PAPPA2: variants seen among roughly 807,000 people sequenced by gnomAD.
The protein encoded by PAPPA2 is pappalysin 2.
Under a neutral mutation model 176.4 loss-of-function variants are expected in PAPPA2, and 86 were observed. That is an observed-to-expected ratio of 0.49 (90% CI 0.41 to 0.58). The LOEUF (loss-of-function observed/expected upper bound fraction) is 0.58, where lower values mean the gene tolerates loss of function less well. Ranked by LOEUF, PAPPA2 falls within the 20% of genes least tolerant of loss-of-function variation. The pLI is 0.00. For missense variants in PAPPA2, 2,073 were observed against 2,256.9 expected (o/e 0.92, Z 1.65); for synonymous variants, 809 against 852.2 (o/e 0.95, Z 0.88).
chr1:176,634,066 C>T (rs1464547380), intron 3 of PAPPA2, among the ~76,000 whole-genome samples: 1 of 152,120 alleles, frequency 6.6e-6, no homozygotes, highest in Non-Finnish European at 1.5e-5. Context: ...CTAGAAATAC[C>T]ATTTGACCCA....
chr1:176,842,195 C>G (rs897622725), intron 22 of PAPPA2, among the ~76,000 whole-genome samples, 185 bp from the exon 23 acceptor site: 3 of 152,130 alleles, frequency 2.0e-5, no homozygotes, highest in African/African-American at 7.2e-5. Context: ...GGAACAATTA[C>G]CTTGCCTAAG....
At chr1:176,565,012 G>T (rs1651883142) in intron 2 of PAPPA2, among the ~76,000 whole-genome samples, 1 of 151,924 alleles carries the variant, frequency 6.6e-6, no homozygotes, top group Non-Finnish European at 1.5e-5. Context: ...CCTATTCTGT[G>T]TTATTTCATA....
chr1:176,486,385 A>T (rs1652645615), intron 1 of PAPPA2, among the ~76,000 whole-genome samples: 1 of 152,226 alleles, frequency 6.6e-6, no homozygotes, highest in South Asian at 2.1e-4. Flanking sequence ...AGATGGTATA[A>T]CACATAGCCC....
intron 12 of PAPPA2, among the ~76,000 whole-genome samples, chr1:176,715,973 T>C (rs777684880): frequency 1.3e-4 from 20 of 150,906 alleles, no homozygotes; most frequent in Middle Eastern, 7.1e-3. Flanking sequence ...ATGCTATACA[T>C]ATATTAATAT....
chr1:176,714,713 TATA>T (rs1661294137), intron 12 of PAPPA2, among the ~76,000 whole-genome samples: 1 of 152,188 alleles, frequency 6.6e-6, no homozygotes, highest in Non-Finnish European at 1.5e-5. Flanking sequence ...TCTTCTTGAT[TATA>T]ATAAGTCTTT....
chr1:176,473,735 T>C (rs1208128233), intron 1 of PAPPA2, among the ~76,000 whole-genome samples: 1 of 152,222 alleles, frequency 6.6e-6, no homozygotes, highest in Non-Finnish European at 1.5e-5. Flanking sequence ...TGAATAGGTA[T>C]GTAGTGGTAT....
chr1:176,714,399 T>G (rs1661277253), intron 12 of PAPPA2, among the ~76,000 whole-genome samples: 1 of 151,738 alleles, frequency 6.6e-6, no homozygotes, highest in Non-Finnish European at 1.5e-5. Flanking sequence ...AGACTTAGCC[T>G]TACTGGGAGA....
intron 2 of PAPPA2, among the ~76,000 whole-genome samples, chr1:176,572,034 C>T (rs1652376287): frequency 6.6e-6 from 1 of 152,138 alleles, no homozygotes; most frequent in Non-Finnish European, 1.5e-5. Flanking sequence ...ACAACCCAGC[C>T]CATCTCTGCT....
In PAPPA2 at chr1:176,547,043, T is replaced by C. The variant is rs1650675679; in HGVS notation, c.-916-8364T>C. On this transcript the variant is annotated intron_variant, in intron 1 of 22. Transcript: ENST00000367662. ...TGGCTTGCATGTGGAAGTTTTCTGGTAAAAGTTAATTAATAACCACAATCC... is the reference window on the plus strand; with the variant it reads ...TGGCTTGCATGTGGAAGTTTTCTGGCAAAAGTTAATTAATAACCACAATCC... 2.6e-5 allele frequency among the ~76,000 whole-genome samples: 4 copies of C among 152,164 alleles called. No individual in the cohort carries two copies. In the South Asian group the frequency reaches 8.3e-4, roughly 31 times the overall value.
chr1:176,504,268 C>T (rs1168848832), intron 1 of PAPPA2, among the ~76,000 whole-genome samples: 5 of 152,090 alleles, frequency 3.3e-5, no homozygotes, highest in African/African-American at 1.2e-4. Context: ...GAATATTTCT[C>T]TGAATTTAGA....
chr1:176,683,323 T>G (rs1659675964), intron 4 of PAPPA2, among the ~76,000 whole-genome samples: 1 of 152,150 alleles, frequency 6.6e-6, no homozygotes, highest in Admixed American at 6.5e-5. Context: ...GCATGTGTTC[T>G]CCTGCTGCCA....
At chr1:176,517,689 A>G (rs1395452491) in intron 1 of PAPPA2, among the ~76,000 whole-genome samples, 1 of 152,142 alleles carries the variant, frequency 6.6e-6, no homozygotes, top group African/African-American at 2.4e-5. Context: ...TCAGGCATTT[A>G]AGAAAGTTGC....
chr1:176,804,712 T>G (rs1260790826), intron 21 of PAPPA2, among the ~76,000 whole-genome samples: 1 of 152,248 alleles, frequency 6.6e-6, no homozygotes, highest in East Asian at 1.9e-4. Flanking sequence ...ACTTACAAGC[T>G]GAAGATATTG....
chr1:176,481,334 G>GCTGT (rs1433699779), intron 1 of PAPPA2, among the ~76,000 whole-genome samples: 1 of 151,320 alleles, frequency 6.6e-6, no homozygotes, highest in Non-Finnish European at 1.5e-5. Context: ...GGGCCATCGT[G>GCTGT]CTGTCCTCCT....
chr1:176,666,487 T>C (rs1328657680), intron 3 of PAPPA2, among the ~76,000 whole-genome samples: 1 of 151,550 alleles, frequency 6.6e-6, no homozygotes, highest in Non-Finnish European at 1.5e-5. Flanking sequence ...GGGTGTTAGC[T>C]AGGATTTTCT....
At chr1:176,760,845 A>G (rs1663665596) in intron 14 of PAPPA2, among the ~76,000 whole-genome samples, 1 of 152,058 alleles carries the variant, frequency 6.6e-6, no homozygotes, top group African/African-American at 2.4e-5. Context: ...TTTTTGAGAC[A>G]GAGTCTTGCT....
At position 176,594,902 on chromosome 1, in the gene PAPPA2, T is replaced by C; in HGVS notation, c.1298T>C (p.Leu433Pro). Residue 433 changes from leucine (L) to proline (P), a missense_variant, in exon 3 of 23, where the codon CTG (leucine) becomes CCG (proline). Coordinates refer to ENST00000367662, the MANE Select transcript of PAPPA2 (RefSeq NM_020318.3). ...ACACTGGTTTTCTGGTCGACCGCCC[T>C]GCCACAAAGCCATTTTCAGCACAGT... is the stretch of plus-strand genomic sequence containing the variant. Reference protein sequence around the residue: ...LGTLVFWSTALPQSHFQHSSQ... With the variant: ...LGTLVFWSTAPPQSHFQHSSQ... The C allele has an allele frequency of 6.2e-7, 1 of 1,614,200 alleles. No homozygotes were observed. Among genetic ancestry groups the C allele is most frequent in the Non-Finnish European group, 8.5e-7 (1 of 1,180,036 alleles).
intron 15 of PAPPA2, among the ~76,000 whole-genome samples, chr1:176,767,478 G>C (rs993140051): frequency 1.4e-4 from 22 of 152,170 alleles, no homozygotes; most frequent in Admixed American, 6.5e-5. Flanking sequence ...CTCCTGAGTA[G>C]CTGGGACTAC....
At chr1:176,698,143 T>C (rs1660471451) in intron 7 of PAPPA2, among the ~76,000 whole-genome samples, 1 of 152,156 alleles carries the variant, frequency 6.6e-6, no homozygotes, top group Admixed American at 6.5e-5. Flanking sequence ...TCTCTGGGCT[T>C]TGGGACATAA....
Sources: gnomAD v4.1 joint callset for allele counts (sites outside exome capture counted in the v4.1 genomes callset) on GRCh38, gnomAD v4.1.1 for gene constraint, MANE v1.5 for transcripts, NCBI Gene and HGNC (gene_info 2026-07-23, HGNC 2026-07-21) for gene names.